The following EYA4 variants were observed in gnomAD, a reference collection of about 807,000 sequenced individuals.
The protein encoded by EYA4 is EYA transcriptional coactivator and phosphatase 4, also known as protein phosphatase EYA4.
In EYA4, 31 loss-of-function variants were observed where a neutral mutation model predicts 87.9. That is an observed-to-expected ratio of 0.35 (90% CI 0.27 to 0.48). EYA4 has a LOEUF of 0.48. EYA4 is among the 20% of genes least tolerant of loss of function. The probability of loss-of-function intolerance (pLI) is 0.99; values close to 1 mark genes in which losing one functional copy is unlikely to be tolerated. For synonymous variants in EYA4, 263 were observed against 270.6 expected, an observed-to-expected ratio of 0.97 and a Z score of 0.28; for missense variants, 678 against 761.4, an observed-to-expected ratio of 0.89 and a Z score of 1.29.
At position 133,481,460 on chromosome 6, in the gene EYA4, T is replaced by C. The variant is rs377224718; in HGVS notation, c.971-3T>C. On this transcript the variant is annotated splice_region_variant and splice_polypyrimidine_tract_variant and intron_variant, in intron 11 of 19. Coordinates refer to ENST00000355286, the MANE Select transcript of EYA4 (RefSeq NM_004100.5). ...TTCTTGACCTAAGTCATGTTATCTA[T>C]AGGAGAGTTCGATACCATGCAGAGT... The C allele has an allele frequency of 6.2e-6, 10 of 1,613,290 alleles. No individual in the cohort carries two copies. The African/African-American group carries it at 8.0e-5, about 13-fold the overall frequency.
intron 13 of EYA4, among the ~76,000 whole-genome samples, chr6:133,489,420 A>C (rs1389143814): frequency 6.6e-6 from 1 of 152,132 alleles, no homozygotes; most frequent in Non-Finnish European, 1.5e-5. Context: ...AACACCAATA[A>C]AATTTAACCC....
At chr6:133,444,592 C>G (rs983144752) in intron 3 of EYA4, among the ~76,000 whole-genome samples, 1 of 152,128 alleles carries the variant, frequency 6.6e-6, no homozygotes, top group African/African-American at 2.4e-5. Context: ...ATGAGAGGCC[C>G]TAGACTATGG....
intron 3 of EYA4, among the ~76,000 whole-genome samples, chr6:133,396,614 T>C (rs912561805): frequency 6.6e-6 from 1 of 152,210 alleles, no homozygotes; most frequent in African/African-American, 2.4e-5. Flanking sequence ...GGGGTAGTTA[T>C]TATCCTAGGT....
At chr6:133,279,076 G>A (rs1282952197) in intron 2 of EYA4, among the ~76,000 whole-genome samples, 3 of 151,916 alleles carry the variant, frequency 2.0e-5, no homozygotes, top group Admixed American at 1.3e-4. Flanking sequence ...TTGGTGGTCC[G>A]GGATATTACT....
At chr6:133,330,434 C>T (rs448167) in intron 2 of EYA4, among the ~76,000 whole-genome samples, 126,472 of 151,638 alleles carry the variant, frequency 0.83, 53,240 homozygotes, top group African/African-American at 0.95. Context: ...AAGCAGTACA[C>T]TTCTTTATGG....
At chr6:133,401,516 T>C (rs1788262927) in intron 3 of EYA4, among the ~76,000 whole-genome samples, 1 of 152,174 alleles carries the variant, frequency 6.6e-6, no homozygotes, top group Non-Finnish European at 1.5e-5. Flanking sequence ...AATGTGTCCT[T>C]CTGTTACGTA....
chr6:133,476,994 T>G (rs2128696675), intron 11 of EYA4, among the ~76,000 whole-genome samples: 1 of 150,884 alleles, frequency 6.6e-6, no homozygotes, highest in African/African-American at 2.5e-5. Flanking sequence ...TCATGAAATC[T>G]GACAGTTTTA....
At chr6:133,283,218 C>T (rs1438000194) in intron 2 of EYA4, among the ~76,000 whole-genome samples, 12 of 152,010 alleles carry the variant, frequency 7.9e-5, no homozygotes, top group African/African-American at 1.9e-4. Context: ...TGCTTGAACC[C>T]GGGAAGCGGA....
Position 133,529,726 on chromosome 6 carries a change from A to G in EYA4, c.*921A>G, listed in dbSNP as rs1326268586. The G allele has an allele frequency of 8.1e-6, 8 of 985,232 alleles. No individual in the cohort carries two copies. The African/African-American group carries it at 1.4e-4, about 17-fold the overall frequency. The allele number at this position is 985,232 out of a possible 1,614,324, so 61.0% of individuals were successfully genotyped here. ...TATGAGGCAACTATTTGCGCATCCA[A>G]CCATGAGTGGAAGGTTTGGGAAAGA... is the stretch of plus-strand genomic sequence containing the variant. On this transcript the variant is annotated 3_prime_UTR_variant, in exon 20 of 20. Coordinates refer to ENST00000355286, the MANE Select transcript of EYA4 (RefSeq NM_004100.5).
intron 2 of EYA4, among the ~76,000 whole-genome samples, chr6:133,341,393 C>T (rs1005843240): frequency 3.3e-5 from 5 of 152,282 alleles, no homozygotes; most frequent in Non-Finnish European, 7.4e-5. Flanking sequence ...ATGTTCCAAA[C>T]ACTTTGTAGG....
intron 2 of EYA4, among the ~76,000 whole-genome samples, chr6:133,372,837 T>A (rs571310936): frequency 1.3e-5 from 2 of 152,020 alleles, no homozygotes; most frequent in Middle Eastern, 3.4e-3. Context: ...GTGTGCATTC[T>A]ATCAATTTGT....
intron 3 of EYA4, among the ~76,000 whole-genome samples, chr6:133,433,435 G>A (rs1047005297): frequency 1.7e-4 from 26 of 152,204 alleles, no homozygotes; most frequent in African/African-American, 5.3e-4. Flanking sequence ...TAAATCTGGA[G>A]GTATACCTCT....
chr6:133,481,441 A>AC, intron 11 of EYA4, 22 bp from the exon 12 acceptor site: 1 of 1,611,574 alleles, frequency 6.2e-7, no homozygotes, highest in Non-Finnish European at 8.5e-7. Context: ...GCTATTCTTG[A>AC]CCTAAGTCAT....
intron 2 of EYA4, among the ~76,000 whole-genome samples, chr6:133,344,326 A>G (rs1048669618): frequency 3.9e-5 from 6 of 152,248 alleles, no homozygotes; most frequent in Non-Finnish European, 7.3e-5. Context: ...GACAAGAGAT[A>G]TCTATGCCCC....
chr6:133,382,480 T>C, intron 3 of EYA4, 39 bp downstream of exon 3: 3 of 1,434,366 alleles, frequency 2.1e-6, no homozygotes, highest in Non-Finnish European at 3.0e-6. Flanking sequence ...CTAAGGAGAA[T>C]TGCAGTTTCG....
intron 2 of EYA4, among the ~76,000 whole-genome samples, chr6:133,381,497 A>G (rs929588409): frequency 6.6e-6 from 1 of 151,746 alleles, no homozygotes; most frequent in African/African-American, 2.4e-5. Context: ...TATTCAGTAG[A>G]ATTTTTTTTT....
At chr6:133,250,244 A>G (rs71574648) in intron 1 of EYA4, among the ~76,000 whole-genome samples, 13,584 of 152,248 alleles carry the variant, frequency 0.089, 706 homozygotes, top group South Asian at 0.11. Flanking sequence ...GAAGTCAGTG[A>G]TCTGGTGGAT....
chr6:133,376,733 C>T (rs957757755), intron 2 of EYA4, among the ~76,000 whole-genome samples: 1 of 151,848 alleles, frequency 6.6e-6, no homozygotes, highest in African/African-American at 2.4e-5. Context: ...ATGTAATAGT[C>T]ATAATTCCAA....
At chr6:133,506,069 GA>G (rs1798590769) in intron 13 of EYA4, 36 bp from the exon 14 acceptor site, 3 of 1,245,640 alleles carry the variant, frequency 2.4e-6, no homozygotes, top group Non-Finnish European at 3.6e-6. Flanking sequence ...AGCGCTTACT[GA>G]AATTTTACCT....
Sources: gnomAD v4.1 joint callset for allele counts (sites outside exome capture counted in the v4.1 genomes callset) on GRCh38, gnomAD v4.1.1 for gene constraint, MANE v1.5 for transcripts, NCBI Gene and HGNC (gene_info 2026-07-23, HGNC 2026-07-21) for gene names.